Variants in POMT1 observed in about 807,000 individuals in gnomAD.
The protein encoded by POMT1 is protein O-mannosyltransferase 1.
POMT1 carries 85 observed loss-of-function variants against 101.6 expected under a neutral mutation model. That is an observed-to-expected ratio of 0.84 (90% confidence interval 0.70 to 1.00). POMT1 has a LOEUF of 1.00. Among genes scored for constraint, POMT1 ranks in the 50% least tolerant of loss-of-function variants. The pLI is 0.00. For missense variants in POMT1, 857 were observed against 930.4 expected (o/e 0.92, Z 1.03); for synonymous variants, 371 against 383.0 (o/e 0.97, Z 0.37).
chr9:131,518,630 G>C, intron 14 of POMT1, 93 bp downstream of exon 14: 1 of 1,425,560 alleles, frequency 7.0e-7, no homozygotes, highest in Non-Finnish European at 9.9e-7. Context: ...TCTGCAGGCG[G>C]AACGCTTCAT....
At chr9:131,507,300 A>C in intron 4 of POMT1, 68 bp from the exon 5 acceptor site, 4 of 1,610,116 alleles carry the variant, frequency 2.5e-6, no homozygotes, top group Non-Finnish European at 3.4e-6. Flanking sequence ...ATGTGAAAGC[A>C]TAGCTGCAGT....
At chr9:131,507,154 A>G (rs780293055) in intron 4 of POMT1, among the ~76,000 whole-genome samples, 4 of 152,166 alleles carry the variant, frequency 2.6e-5, no homozygotes, top group Admixed American at 6.5e-5. Context: ...AGTCCTGTCT[A>G]TGCTTCATGA....
At chr9:131,517,681 A>G (rs1025870146) in intron 13 of POMT1, among the ~76,000 whole-genome samples, 2 of 151,934 alleles carry the variant, frequency 1.3e-5, no homozygotes, top group Admixed American at 1.3e-4. Flanking sequence ...GCCCCCCCAC[A>G]GTCCTTCCCT....
chr9:131,518,833 C>T lies in POMT1; in HGVS notation c.1366-4C>T. On this transcript the variant is annotated splice_region_variant and splice_polypyrimidine_tract_variant and intron_variant, in intron 14 of 19. Transcript: ENST00000402686. ...CGCCCTTTACTCTCCTGCGGTGTCA[C>T]CAGCTGAGCGGGGCTCACCTCCCTG... The T allele has an allele frequency of 1.2e-6, 2 of 1,613,976 alleles. No homozygotes were observed. The highest frequency in any genetic ancestry group is 1.7e-6 in the Non-Finnish European group (2 of 1,180,046).
rs1219770866 is a variant in POMT1, at chr9:131,522,221, G to A, written c.2000G>A (p.Cys667Tyr). ...VVLQHISDHLCRSQLQRSIFS... is the reference protein window; with the variant it reads ...VVLQHISDHLYRSQLQRSIFS... ...CTGCAGCACATCAGCGACCACCTGT[G>A]CAGGTACGGGGGCTGCGGAGACAGT... is the stretch of plus-strand genomic sequence containing the variant. Residue 667 changes from cysteine (C) to tyrosine (Y), a missense_variant, in exon 19 of 20, where the codon TGC (cysteine) becomes TAC (tyrosine). By Grantham distance (194) the Cys-to-Tyr change is radical. Coordinates refer to ENST00000402686, the MANE Select transcript of POMT1 (RefSeq NM_001077365.2). The surrounding 1 kb of genome is among the most constrained non-coding windows in gnomAD (Gnocchi z 5.5). 5.0e-6 allele frequency: 8 copies of A among 1,613,504 alleles called. No individual in the cohort carries two copies. The highest frequency in any genetic ancestry group is 1.7e-5 in the Admixed American group (1 of 60,030).
At chr9:131,516,946 C>T (rs2131818474) in intron 13 of POMT1, 1 of 152,414 alleles carries the variant, frequency 6.6e-6, no homozygotes, top group South Asian at 2.1e-4. Flanking sequence ...GGGCCACCTG[C>T]TCCCCTTACG....
Position 131,511,331 on chromosome 9 carries a change from T to C in POMT1, c.856-6T>C, listed in dbSNP as rs1308414460. Reference sequence around the variant, plus strand: ...CTCACTCATCAACCTTCTGCTTCTGTCTCAGGGAGGACTAGCTCGGATCAC... The same window carrying C: ...CTCACTCATCAACCTTCTGCTTCTGCCTCAGGGAGGACTAGCTCGGATCAC... On this transcript the variant is annotated splice_polypyrimidine_tract_variant and splice_region_variant and intron_variant, in intron 9 of 19. Coordinates refer to ENST00000402686, the MANE Select transcript of POMT1 (RefSeq NM_001077365.2). The C allele has an allele frequency of 8.1e-6, 13 of 1,608,920 alleles. No individual in the cohort carries two copies. Among genetic ancestry groups the C allele is most frequent in the Non-Finnish European group, 1.1e-5 (13 of 1,175,774 alleles).
chr9:131,521,659 C>G (rs1173706556), intron 18 of POMT1, among the ~76,000 whole-genome samples, 187 bp downstream of exon 18: 2 of 152,184 alleles, frequency 1.3e-5, no homozygotes, highest in African/African-American at 4.8e-5. Context: ...TCATAGGAAC[C>G]TACCCCTTAA....
chr9:131,521,658 C>A (rs530809007), intron 18 of POMT1, among the ~76,000 whole-genome samples, 186 bp downstream of exon 18: 3 of 152,196 alleles, frequency 2.0e-5, no homozygotes, highest in Non-Finnish European at 2.9e-5. Context: ...TTCATAGGAA[C>A]CTACCCCTTA....
Position 131,519,461 on chromosome 9 carries a change from T to G in POMT1, c.1559T>G (p.Phe520Cys), listed in dbSNP as rs751829884. 2 of 1,550,818 alleles carry G rather than the reference T, an allele frequency of 1.3e-6. No individual in the cohort carries two copies. Among genetic ancestry groups the G allele is most frequent in the Non-Finnish European group, 1.7e-6 (2 of 1,146,976 alleles). The change falls in exon 16 of 20, where the codon TTC (phenylalanine) becomes TGC (cysteine). Residue 520 changes from phenylalanine (F) to cysteine (C), a missense_variant. Physicochemically the swap from Phe to Cys is radical, Grantham distance 205 (BLOSUM62 -2). Coordinates refer to ENST00000402686, the MANE Select transcript of POMT1 (RefSeq NM_001077365.2). The surrounding 1 kb of genome is among the most constrained non-coding windows in gnomAD (Gnocchi z 4.3). The part of the protein sequence containing the change: ...AQVDVSRNLS[F>C]MARFSELQWR... ...GTGGACGTCAGCAGGAACCTCAGCT[T>G]CATGGCGAGATTCTCGGAGCTGCAG...
Position 131,506,790 on chromosome 9 carries a change from C to T in POMT1, c.280+337C>T, listed in dbSNP as rs763481357. The T allele has an allele frequency of 3.8e-5, 14 of 372,032 alleles. 1 individual carries two copies. Among genetic ancestry groups the T allele is most frequent in the South Asian group, 1.9e-4 (8 of 42,946 alleles). The allele number at this position is 372,032 out of a possible 1,614,324, so 23.0% of individuals were successfully genotyped here. On this transcript the variant is annotated intron_variant, in intron 4 of 19. Transcript: ENST00000402686. ...GTTTTTGAAAATAGGGAGGGTAGGCCGGGCGCGCTGGCTCACGCCTGTAAT... is the reference window on the plus strand; with the variant it reads ...GTTTTTGAAAATAGGGAGGGTAGGCTGGGCGCGCTGGCTCACGCCTGTAAT...
Position 131,519,279 on chromosome 9 carries a change from G to A in POMT1, c.1487-110G>A, listed in dbSNP as rs1296731358. 6 of 1,094,302 alleles carry A rather than the reference G, an allele frequency of 5.5e-6. No homozygotes were observed. The highest frequency in any genetic ancestry group is 8.1e-6 in the Non-Finnish European group (6 of 740,890). The allele number at this position is 1,094,302 out of a possible 1,614,324, so 67.8% of individuals were successfully genotyped here. A position where few individuals can be genotyped will look rare whatever the true frequency, so the allele number is the denominator to read the frequency against. On this transcript the variant is annotated intron_variant, in intron 15 of 19. Transcript: ENST00000402686. The surrounding 1 kb of genome is among the most constrained non-coding windows in gnomAD (Gnocchi z 4.3). ...GTGGAATGATGCGGTTCGATAAGGG[G>A]TCTTTGTTAGAAAGGCAGGAAGCCA...
chr9:131,517,383 G>A (rs190734914), intron 13 of POMT1, among the ~76,000 whole-genome samples: 1 of 152,152 alleles, frequency 6.6e-6, no homozygotes, highest in African/African-American at 2.4e-5. Flanking sequence ...ACCATGCCTG[G>A]CCCCTGTTAA....
In POMT1 at chr9:131,523,060, C is replaced by G; in HGVS notation, c.2132C>G (p.Ala711Gly). Reference protein sequence around the residue: ...DKSLSPHELKALRWKDSWDIL... With the variant: ...DKSLSPHELKGLRWKDSWDIL... ...TCACTCTCGCCACATGAACTCAAGG[C>G]CCTTCGCTGGAAAGACAGCTGGGAC... Residue 711 changes from alanine to glycine, a missense_variant, in exon 20 of 20, where the codon GCC (alanine) becomes GGC (glycine). Ala to Gly is a moderately conservative substitution (Grantham distance 60). Transcript: ENST00000402686. The G allele has an allele frequency of 1.2e-6, 2 of 1,611,558 alleles. No homozygotes were observed. Among genetic ancestry groups the G allele is most frequent in the Non-Finnish European group, 1.7e-6 (2 of 1,179,888 alleles).
At position 131,522,482 on chromosome 9, in the gene POMT1, G is replaced by C; in HGVS notation, c.2003+258G>C. On this transcript the variant is annotated intron_variant, in intron 19 of 19. Transcript: ENST00000402686. This position sits in a 1 kb window ranked among gnomAD's most constrained non-coding sequence, Gnocchi z 5.5. ...GACGGGGAGGGGATGAAGAGATGTG[G>C]GTGGCCTGGAGGATTCGGGAGCAGG... The C allele has an allele frequency of 1.4e-6, 1 of 702,936 alleles. No individual in the cohort carries two copies. The highest frequency in any genetic ancestry group is 2.3e-6 in the Non-Finnish European group (1 of 437,610). 43.5% of individuals were successfully genotyped at this position (702,936 alleles called of 1,614,324 possible).
chr9:131,518,759 G>C (rs1436145635), intron 14 of POMT1, 78 bp from the exon 15 acceptor site: 1 of 1,610,376 alleles, frequency 6.2e-7, no homozygotes, highest in African/African-American at 1.3e-5. Context: ...CCCGGGCAGG[G>C]GTTCCCCTTC....
chr9:131,522,490 G>A lies in POMT1; in HGVS notation c.2003+266G>A. The A allele has an allele frequency of 3.1e-6, 2 of 640,848 alleles. No homozygotes were observed. Among genetic ancestry groups the A allele is most frequent in the East Asian group, 3.0e-5 (1 of 33,250 alleles). 39.7% of individuals were successfully genotyped at this position (640,848 alleles called of 1,614,324 possible). Reference sequence around the variant, plus strand: ...GGGGATGAAGAGATGTGGGTGGCCTGGAGGATTCGGGAGCAGGGAGCAAGG... The same window carrying A: ...GGGGATGAAGAGATGTGGGTGGCCTAGAGGATTCGGGAGCAGGGAGCAAGG... On this transcript the variant is annotated intron_variant, in intron 19 of 19. Coordinates refer to ENST00000402686, the MANE Select transcript of POMT1 (RefSeq NM_001077365.2). The surrounding 1 kb of genome is among the most constrained non-coding windows in gnomAD (Gnocchi z 5.5).
chr9:131,511,369 A>T lies in POMT1; in HGVS notation c.888A>T (p.Pro296=), dbSNP rs1947083573. The T allele has an allele frequency of 1.2e-6, 2 of 1,613,954 alleles. No individual in the cohort carries two copies. Among genetic ancestry groups the T allele is most frequent in the East Asian group, 4.5e-5 (2 of 44,878 alleles). ...GGLARITQGQ[P]LEVAFGSQVT... is the part of the protein sequence containing the mutation. ...TAGCTCGGATCACTCAGGGTCAGCCACTGGAGGTGGCCTTTGGGTCCCAGG... is the reference window on the plus strand; with the variant it reads ...TAGCTCGGATCACTCAGGGTCAGCCTCTGGAGGTGGCCTTTGGGTCCCAGG... The change falls in exon 10 of 20, where the codon CCA becomes CCT. Residue 296 remains proline (P), a synonymous_variant. Transcript: ENST00000402686.
rs1950334983 is a variant in POMT1 at position 131,523,342 on chromosome 9, C to T, written c.*236C>T. 5 of 555,146 alleles carry T rather than the reference C, an allele frequency of 9.0e-6. No homozygotes were observed. Among genetic ancestry groups the T allele is most frequent in the South Asian group, 5.9e-5 (3 of 51,018 alleles). The allele number at this position is 555,146 out of a possible 1,614,324, so 34.4% of individuals were successfully genotyped here. On this transcript the variant is annotated 3_prime_UTR_variant, in exon 20 of 20. Transcript: ENST00000402686. ...GATATTCCGTGTCTTTACCCCTGAACTAAGACACAGGGAGTATTTCAGAGG... is the reference window on the plus strand; with the variant it reads ...GATATTCCGTGTCTTTACCCCTGAATTAAGACACAGGGAGTATTTCAGAGG...
Sources: gnomAD v4.1 joint callset for allele counts (sites outside exome capture counted in the v4.1 genomes callset) on GRCh38, gnomAD v4.1.1 for gene constraint, Gnocchi (gnomAD v3.1) non-coding constraint, MANE v1.5 for transcripts, NCBI Gene and HGNC (gene_info 2026-07-23, HGNC 2026-07-21) for gene names.